NDUFAF2: variants seen among roughly 807,000 people sequenced by gnomAD.
NDUFAF2 encodes the protein NADH:ubiquinone oxidoreductase complex assembly factor 2.
Under a neutral mutation model 22.8 loss-of-function variants are expected in NDUFAF2, and 13 were observed. The observed-to-expected ratio is 0.57, with a 90% CI of 0.37 to 0.91. The LOEUF (loss-of-function observed/expected upper bound fraction) is 0.91, where lower values mean the gene tolerates loss of function less well. NDUFAF2 is among the 40% of genes least tolerant of loss of function. The pLI is 0.01. For missense variants in NDUFAF2, 162 were observed against 195.2 expected, an observed-to-expected ratio of 0.83 and a Z score of 1.01; for synonymous variants, 53 against 64.2, an observed-to-expected ratio of 0.83 and a Z score of 0.84.
chr5:61,049,345 C>T (rs753597272), intron 1 of NDUFAF2, among the ~76,000 whole-genome samples: 2 of 151,680 alleles, frequency 1.3e-5, no homozygotes, highest in South Asian at 2.1e-4. Flanking sequence ...CCAAAAAAGC[C>T]GTATAAGGAA....
intron 1 of NDUFAF2, among the ~76,000 whole-genome samples, chr5:60,991,912 CAA>C: frequency 1.3e-5 from 2 of 152,126 alleles, no homozygotes; most frequent in African/African-American, 2.4e-5. Context: ...ACATTCCCAC[CAA>C]CAGTATACAA....
intron 1 of NDUFAF2, among the ~76,000 whole-genome samples, chr5:60,969,864 A>C (rs1474624738): frequency 6.6e-6 from 1 of 152,078 alleles, no homozygotes; most frequent in African/African-American, 2.4e-5. Context: ...GAGGTTGTAG[A>C]TTTAAGTCTT....
At chr5:61,055,607 T>C (rs1273592287) in intron 1 of NDUFAF2, among the ~76,000 whole-genome samples, 1 of 152,160 alleles carries the variant, frequency 6.6e-6, no homozygotes, top group African/African-American at 2.4e-5. Context: ...AGCCAATAAG[T>C]GGTGCTATTG....
intron 1 of NDUFAF2, among the ~76,000 whole-genome samples, chr5:61,061,475 A>T (rs907384419): frequency 6.6e-6 from 1 of 152,120 alleles, no homozygotes; most frequent in Non-Finnish European, 1.5e-5. Flanking sequence ...TAGACTCTTC[A>T]TAATTATTGA....
At chr5:61,055,836 G>T (rs1216172921) in intron 1 of NDUFAF2, among the ~76,000 whole-genome samples, 1 of 152,112 alleles carries the variant, frequency 6.6e-6, no homozygotes, top group Non-Finnish European at 1.5e-5. Flanking sequence ...CATAATTCAA[G>T]ACACACCTTT....
At chr5:61,097,441 T>C (rs1232186267) in intron 2 of NDUFAF2, among the ~76,000 whole-genome samples, 1 of 152,212 alleles carries the variant, frequency 6.6e-6, no homozygotes, top group Non-Finnish European at 1.5e-5. Context: ...GAATAAGTAC[T>C]GAAATGAAAA....
intron 3 of NDUFAF2, among the ~76,000 whole-genome samples, chr5:61,135,428 A>C (rs1490196007): frequency 6.6e-6 from 1 of 152,216 alleles, no homozygotes; most frequent in Non-Finnish European, 1.5e-5. Context: ...AGATGGGTCA[A>C]GTTTGAGCAT....
At chr5:61,109,955 T>C (rs146088538) in intron 3 of NDUFAF2, among the ~76,000 whole-genome samples, 26 of 152,328 alleles carry the variant, frequency 1.7e-4, no homozygotes, top group African/African-American at 6.3e-4. Flanking sequence ...GTGGGTCTGT[T>C]GTATATGGCT....
intron 1 of NDUFAF2, among the ~76,000 whole-genome samples, chr5:61,003,081 C>T (rs922913189): frequency 4.6e-5 from 7 of 152,062 alleles, no homozygotes; most frequent in Non-Finnish European, 1.0e-4. Context: ...CCATTTGTGA[C>T]TCTACAGGAA....
chr5:61,027,747 A>G (rs1470527199), intron 1 of NDUFAF2, among the ~76,000 whole-genome samples: 1 of 151,908 alleles, frequency 6.6e-6, no homozygotes, highest in Non-Finnish European at 1.5e-5. Context: ...TTAATTTACT[A>G]CTTATTAAAA....
At chr5:60,983,720 G>A (rs990890517) in intron 1 of NDUFAF2, among the ~76,000 whole-genome samples, 1 of 150,582 alleles carries the variant, frequency 6.6e-6, no homozygotes, top group African/African-American at 2.4e-5. Context: ...TAGATATGCG[G>A]CATTATTTCT....
chr5:61,024,487 G>GTAA (rs1751626137), intron 1 of NDUFAF2, among the ~76,000 whole-genome samples: 1 of 151,920 alleles, frequency 6.6e-6, no homozygotes, highest in Non-Finnish European at 1.5e-5. Context: ...AATAATAATA[G>GTAA]TAATAATAAT....
intron 1 of NDUFAF2, among the ~76,000 whole-genome samples, chr5:61,040,276 A>ACGCGCG (rs1330723728): frequency 8.3e-5 from 10 of 120,702 alleles, no homozygotes; most frequent in African/African-American, 3.5e-4. Context: ...ACACACACAC[A>ACGCGCG]CACACACACA....
intron 1 of NDUFAF2, among the ~76,000 whole-genome samples, chr5:61,020,800 A>T (rs1751572226): frequency 6.6e-6 from 1 of 151,998 alleles, no homozygotes; most frequent in South Asian, 2.1e-4. Context: ...TGGTTCAGTG[A>T]TTCTCCTGCC....
chr5:60,994,278 G>T (rs1751199854), intron 1 of NDUFAF2, among the ~76,000 whole-genome samples: 1 of 152,232 alleles, frequency 6.6e-6, no homozygotes, highest in South Asian at 2.1e-4. Flanking sequence ...TCCCGAGAGT[G>T]CACAGATGCC....
intron 1 of NDUFAF2, among the ~76,000 whole-genome samples, chr5:61,016,116 G>A (rs1341289486): frequency 6.6e-6 from 1 of 152,072 alleles, no homozygotes; most frequent in African/African-American, 2.4e-5. Flanking sequence ...AACCCAGGAG[G>A]CAGAGGTTGC....
chr5:61,013,786 G>A (rs545711027), intron 1 of NDUFAF2, among the ~76,000 whole-genome samples: 1 of 151,808 alleles, frequency 6.6e-6, no homozygotes, highest in South Asian at 2.1e-4. Flanking sequence ...CAACATAGTA[G>A]TTTAGAGAAA....
At position 61,048,295 on chromosome 5, in the gene NDUFAF2, A is replaced by C. The variant is rs190562268; in HGVS notation, c.128-24830A>C. 1.7e-4 allele frequency among the ~76,000 whole-genome samples: 26 copies of C among 152,284 alleles called. No individual in the cohort carries two copies. In the East Asian group the frequency reaches 4.6e-3, roughly 27 times the overall value. ...TTTTAAATCAAGAAAAAACAGATAA[A>C]TATTCATATTATTTCTCGCTAACTA... On this transcript the variant is annotated intron_variant, in intron 1 of 3. Coordinates refer to ENST00000296597, the MANE Select transcript of NDUFAF2 (RefSeq NM_174889.5).
intron 1 of NDUFAF2, among the ~76,000 whole-genome samples, chr5:61,060,398 T>C (rs1752149127): frequency 6.6e-6 from 1 of 152,190 alleles, no homozygotes; most frequent in South Asian, 2.1e-4. Context: ...TAGTTCTCAC[T>C]TTCATACATT....
Sources: gnomAD v4.1 joint callset for allele counts (sites outside exome capture counted in the v4.1 genomes callset) on GRCh38, gnomAD v4.1.1 for gene constraint, MANE v1.5 for transcripts, NCBI Gene and HGNC (gene_info 2026-07-23, HGNC 2026-07-21) for gene names.